The following CDH18 variants were observed in gnomAD, a reference collection of about 807,000 sequenced individuals.
The protein encoded by CDH18 is cadherin 18.
Under a neutral mutation model 67.9 loss-of-function variants are expected in CDH18, and 31 were observed. The ratio of observed to expected loss-of-function variants is 0.46; its 90% CI spans 0.34 to 0.62. The LOEUF (loss-of-function observed/expected upper bound fraction) is 0.62, where lower values mean the gene tolerates loss of function less well. Among genes scored for constraint, CDH18 ranks in the 20% least tolerant of loss-of-function variants. The pLI is 0.01. For missense variants in CDH18, 890 were observed against 975.5 expected (o/e 0.91, Z 1.17); for synonymous variants, 362 against 347.2 (o/e 1.04, Z -0.48).
At chr5:20,032,051 T>A (rs1739446256) in intron 2 of CDH18, among the ~76,000 whole-genome samples, 1 of 152,046 alleles carries the variant, frequency 6.6e-6, no homozygotes, top group African/African-American at 2.4e-5. Context: ...GTTTCTAAAT[T>A]CAAAATATAA....
chr5:20,438,306 T>C lies in CDH18; in HGVS notation c.-580+137156A>G, dbSNP rs536683791. On this transcript the variant is annotated intron_variant, in intron 1 of 14. Transcript: ENST00000507958. ...TGTGTTTGTGGAACATTATCCACTC[T>C]CTGAAAATAGAATAAATGAACAGCA... Among the ~76,000 whole-genome samples the C allele has an allele frequency of 2.0e-4, 30 of 151,054 alleles. 1 individual carries two copies. Among genetic ancestry groups the C allele is most frequent in the African/African-American group, 5.6e-4 (23 of 41,070 alleles).
chr5:19,577,449 G>A (rs542475920), intron 7 of CDH18, among the ~76,000 whole-genome samples: 6 of 152,020 alleles, frequency 3.9e-5, no homozygotes, highest in Non-Finnish European at 8.8e-5. Flanking sequence ...TTTTCCCCCT[G>A]TTGGAATGTC....
chr5:19,498,435 G>T (rs983776486), intron 11 of CDH18, among the ~76,000 whole-genome samples: 2 of 152,156 alleles, frequency 1.3e-5, no homozygotes, highest in Non-Finnish European at 2.9e-5. Flanking sequence ...AAGGGAAACT[G>T]TTCCGTAGTC....
chr5:20,548,970 T>C (rs1017059939), intron 1 of CDH18, among the ~76,000 whole-genome samples: 1 of 152,162 alleles, frequency 6.6e-6, no homozygotes, highest in Admixed American at 6.6e-5. Flanking sequence ...TGATAATCCA[T>C]TCACATTTGG....
At chr5:20,156,500 C>A (rs1335935172) in intron 2 of CDH18, among the ~76,000 whole-genome samples, 2 of 152,142 alleles carry the variant, frequency 1.3e-5, no homozygotes, top group African/African-American at 2.4e-5. Context: ...CGTATGTTCT[C>A]ACTTAAAGTG....
At chr5:19,590,803 C>T (rs1272660313) in intron 7 of CDH18, among the ~76,000 whole-genome samples, 1 of 152,014 alleles carries the variant, frequency 6.6e-6, no homozygotes. Context: ...AGAGCAGAGA[C>T]AAAATGAACA....
intron 1 of CDH18, among the ~76,000 whole-genome samples, chr5:20,339,626 T>G (rs1295140161): frequency 6.6e-6 from 1 of 152,080 alleles, no homozygotes; most frequent in Non-Finnish European, 1.5e-5. Flanking sequence ...ACTTACCCCA[T>G]TCTAGGAACC....
chr5:20,016,087 A>G (rs1737851861), intron 2 of CDH18, among the ~76,000 whole-genome samples: 1 of 152,158 alleles, frequency 6.6e-6, no homozygotes, highest in Non-Finnish European at 1.5e-5. Flanking sequence ...AGCAGACTGG[A>G]TAACAAAAAT....
intron 8 of CDH18, among the ~76,000 whole-genome samples, chr5:19,554,308 T>G (rs2127163625): frequency 6.6e-6 from 1 of 152,276 alleles, no homozygotes; most frequent in Non-Finnish European, 1.5e-5. Flanking sequence ...AATCTTGAGT[T>G]CTAGAAATGC....
chr5:20,198,994 G>A (rs1320293745), intron 2 of CDH18, among the ~76,000 whole-genome samples: 1 of 152,218 alleles, frequency 6.6e-6, no homozygotes, highest in Non-Finnish European at 1.5e-5. Context: ...GAGGATGCAG[G>A]AAAACACCTG....
intron 2 of CDH18, among the ~76,000 whole-genome samples, chr5:20,053,501 T>C (rs1173478564): frequency 2.0e-5 from 3 of 152,136 alleles, no homozygotes; most frequent in Non-Finnish European, 2.9e-5. Context: ...TCTCAGTTCA[T>C]GCTAACTACA....
intron 1 of CDH18, among the ~76,000 whole-genome samples, chr5:20,350,948 C>G (rs1741120942): frequency 1.3e-5 from 2 of 151,914 alleles, no homozygotes; most frequent in South Asian, 4.1e-4. Flanking sequence ...TCTCAAAAAA[C>G]TCCTAAATCC....
intron 1 of CDH18, among the ~76,000 whole-genome samples, chr5:20,437,795 T>C (rs1376048923): frequency 5.3e-5 from 8 of 151,290 alleles, no homozygotes; most frequent in Non-Finnish European, 1.0e-4. Context: ...AAACAAATAA[T>C]AGCCTTACAG....
chr5:19,826,715 C>T (rs1426828381), intron 3 of CDH18, among the ~76,000 whole-genome samples: 1 of 152,166 alleles, frequency 6.6e-6, no homozygotes, highest in African/African-American at 2.4e-5. Flanking sequence ...ACCTGCCTAA[C>T]AGGAGGTCCT....
At chr5:19,613,667 A>G (rs886067181) in intron 5 of CDH18, among the ~76,000 whole-genome samples, 2 of 152,166 alleles carry the variant, frequency 1.3e-5, no homozygotes, top group Admixed American at 6.5e-5. Flanking sequence ...CCACCTCTAC[A>G]TACATAAATT....
chr5:19,977,789 G>T (rs1033448474), intron 2 of CDH18, among the ~76,000 whole-genome samples: 23 of 152,070 alleles, frequency 1.5e-4, no homozygotes, highest in African/African-American at 5.6e-4. Flanking sequence ...AAACTGGAAG[G>T]ATAAATTTTT....
chr5:20,275,425 G>A (rs1483647902), intron 1 of CDH18, among the ~76,000 whole-genome samples: 1 of 152,076 alleles, frequency 6.6e-6, no homozygotes, highest in Non-Finnish European at 1.5e-5. Flanking sequence ...CATGCTTCCT[G>A]TTAAGCCTGC....
chr5:20,048,085 T>G (rs879634795), intron 2 of CDH18, among the ~76,000 whole-genome samples: 17 of 151,908 alleles, frequency 1.1e-4, no homozygotes, highest in Non-Finnish European at 2.1e-4. Context: ...CAGTCATTGT[T>G]GATAAATTCT....
chr5:20,158,955 C>A, intron 2 of CDH18: 1 of 168,148 alleles, frequency 5.9e-6, no homozygotes. Flanking sequence ...CTTTTGAGGT[C>A]AACCTTTCCC....
Sources: gnomAD v4.1 joint callset for allele counts (sites outside exome capture counted in the v4.1 genomes callset) on GRCh38, gnomAD v4.1.1 for gene constraint, MANE v1.5 for transcripts, NCBI Gene and HGNC (gene_info 2026-07-23, HGNC 2026-07-21) for gene names.